WDR7: variants seen among roughly 807,000 people sequenced by gnomAD.
WDR7 encodes the protein WD repeat domain 7.
A neutral mutation model predicts 169.4 loss-of-function variants in WDR7; 46 were observed. That is an observed-to-expected ratio of 0.27 (90% CI 0.21 to 0.35). The LOEUF (loss-of-function observed/expected upper bound fraction) is 0.35, where lower values mean the gene tolerates loss of function less well. WDR7 is among the 10% of genes least tolerant of loss of function. The probability of loss-of-function intolerance (pLI) is 1.00; values close to 1 mark genes in which losing one functional copy is unlikely to be tolerated. For synonymous variants in WDR7, 612 were observed against 666.8 expected (o/e 0.92, Z 1.27); for missense variants, 1,534 against 1,859.3 (o/e 0.83, Z 3.22).
rs369408013 is a variant in WDR7 at position 56,756,666 on chromosome 18, A to G, written c.2073A>G (p.Leu691=). 1 of 1,614,166 alleles carries G rather than the reference A, an allele frequency of 6.2e-7. No homozygotes were observed. Among genetic ancestry groups the G allele is most frequent in the Non-Finnish European group, 8.5e-7 (1 of 1,180,020 alleles). The part of the protein sequence containing the change: ...TNLTDPDIHV[L]FFDVEALIIQ... The stretch of plus-strand genomic sequence containing the variant: ...TAACAGACCCGGACATACATGTGCT[A>G]TTCTTTGATGTGGAAGCGTTGATTA... The change falls in exon 15 of 28, where the codon CTA becomes CTG. Residue 691 remains leucine (L), a synonymous_variant. Coordinates refer to ENST00000254442, the MANE Select transcript of WDR7 (RefSeq NM_015285.3).
chr18:56,837,914 C>A (rs1470473302), intron 20 of WDR7, among the ~76,000 whole-genome samples: 2 of 152,088 alleles, frequency 1.3e-5, no homozygotes. Context: ...CCGTGCCCAG[C>A]CGATTTGTTT....
chr18:56,762,854 G>A (rs1367495774), intron 16 of WDR7, among the ~76,000 whole-genome samples: 2 of 148,494 alleles, frequency 1.3e-5, no homozygotes, highest in African/African-American at 2.5e-5. Flanking sequence ...TTGGCGAAAT[G>A]CCTATTTATA....
chr18:56,768,299 T>G lies in WDR7; in HGVS notation c.2849-8483T>G, dbSNP rs979489301. 2.6e-5 allele frequency among the ~76,000 whole-genome samples: 4 copies of G among 152,336 alleles called. No homozygotes were observed. The East Asian group carries it at 5.8e-4, about 22-fold the overall frequency. On this transcript the variant is annotated intron_variant, in intron 16 of 27. Coordinates refer to ENST00000254442, the MANE Select transcript of WDR7 (RefSeq NM_015285.3). Reference sequence around the variant, plus strand: ...TTTAAGGCAATAGATTTAGGAATTTTCATTTGGAAAGCATATATACTTTTC... The same window carrying G: ...TTTAAGGCAATAGATTTAGGAATTTGCATTTGGAAAGCATATATACTTTTC...
At chr18:56,822,013 A>T (rs889469015) in intron 20 of WDR7, among the ~76,000 whole-genome samples, 2 of 152,010 alleles carry the variant, frequency 1.3e-5, no homozygotes, top group African/African-American at 4.8e-5. Flanking sequence ...AAAACAAAGG[A>T]AAAACTGGGC....
Position 56,696,468 on chromosome 18 carries a change from T to C in WDR7, c.1578+6T>C. The C allele has an allele frequency of 6.2e-7, 1 of 1,601,410 alleles. No homozygotes were observed. Among genetic ancestry groups the C allele is most frequent in the Non-Finnish European group, 8.5e-7 (1 of 1,173,222 alleles). ...TTCCACCTGAAAACTGTAGTGTAAG[T>C]TGATTTATATAAAAGATTATTTCAC... On this transcript the variant is annotated splice_donor_region_variant and intron_variant, in intron 12 of 27. Coordinates refer to ENST00000254442, the MANE Select transcript of WDR7 (RefSeq NM_015285.3).
intron 21 of WDR7, among the ~76,000 whole-genome samples, chr18:56,905,109 A>G (rs2145578538): frequency 6.6e-6 from 1 of 152,196 alleles, no homozygotes; most frequent in East Asian, 1.9e-4. Context: ...TGTAGACTGT[A>G]TTATTTCCCT....
chr18:56,677,719 T>G (rs1305149065), intron 2 of WDR7, among the ~76,000 whole-genome samples: 1 of 152,188 alleles, frequency 6.6e-6, no homozygotes. Flanking sequence ...TCTGGGAGTT[T>G]GATTATTAAA....
At chr18:56,867,174 A>G (rs1207488355) in intron 20 of WDR7, among the ~76,000 whole-genome samples, 6 of 151,970 alleles carry the variant, frequency 3.9e-5, no homozygotes, top group Non-Finnish European at 7.4e-5. Flanking sequence ...GCAGGCACTC[A>G]CCACCACACC....
Position 56,672,510 on chromosome 18 carries a change from A to G in WDR7, c.-6A>G. 6.5e-7 allele frequency: 1 copy of G among 1,533,844 alleles called. No homozygotes were observed. Among genetic ancestry groups the G allele is most frequent in the Non-Finnish European group, 8.8e-7 (1 of 1,141,396 alleles). ...TAACATTTTCAGGTTTGAAAACACA[A>G]ACACAATGGCAGGAAACAGCCTTGT... On this transcript the variant is annotated 5_prime_UTR_variant, in exon 2 of 28. Coordinates refer to ENST00000254442, the MANE Select transcript of WDR7 (RefSeq NM_015285.3).
Position 56,676,880 on chromosome 18 carries a change from C to T in WDR7, c.160-2452C>T, listed in dbSNP as rs911816106. 2.6e-5 allele frequency among the ~76,000 whole-genome samples: 4 copies of T among 152,092 alleles called. No individual in the cohort carries two copies. The East Asian group carries it at 7.7e-4, about 29-fold the overall frequency. On this transcript the variant is annotated intron_variant, in intron 2 of 27. Coordinates refer to ENST00000254442, the MANE Select transcript of WDR7 (RefSeq NM_015285.3). The stretch of plus-strand genomic sequence containing the variant: ...CCATGTCACTGTGTCAGGCTAAGTG[C>T]TGGAATTACAGGCATGAGCCAGGGG...
intron 19 of WDR7, among the ~76,000 whole-genome samples, chr18:56,788,766 A>T (rs2044441209): frequency 6.6e-6 from 1 of 152,176 alleles, no homozygotes; most frequent in Admixed American, 6.5e-5. Flanking sequence ...CTAAAGGATG[A>T]GGTTTCTTCA....
chr18:56,700,720 C>T (rs1253245149), intron 12 of WDR7, among the ~76,000 whole-genome samples: 1 of 150,128 alleles, frequency 6.7e-6, no homozygotes, highest in Non-Finnish European at 1.5e-5. Context: ...CAGGCGCCCG[C>T]TACCACGCCC....
At chr18:56,808,100 A>C (rs1420763533) in intron 19 of WDR7, among the ~76,000 whole-genome samples, 1 of 152,136 alleles carries the variant, frequency 6.6e-6, no homozygotes, top group Non-Finnish European at 1.5e-5. Context: ...CCGGCTGTGG[A>C]TCGATAGAAG....
At chr18:56,816,546 T>C (rs1259256560) in intron 20 of WDR7, among the ~76,000 whole-genome samples, 1 of 152,240 alleles carries the variant, frequency 6.6e-6, no homozygotes, top group Non-Finnish European at 1.5e-5. Context: ...ATAAGCTGTA[T>C]AGGAAGACTT....
intron 20 of WDR7, among the ~76,000 whole-genome samples, chr18:56,820,511 A>AAATTATAATTAG (rs2045076469): frequency 1.3e-5 from 2 of 151,842 alleles, no homozygotes; most frequent in East Asian, 3.9e-4. Flanking sequence ...CATTTTGATT[A>AAATTATAATTAG]CTCATTCAGG....
chr18:56,803,524 G>A (rs540701899), intron 19 of WDR7, among the ~76,000 whole-genome samples: 16 of 152,020 alleles, frequency 1.1e-4, no homozygotes, highest in East Asian at 1.9e-4. Context: ...AACATGTATC[G>A]TAAGACGTCT....
intron 25 of WDR7, among the ~76,000 whole-genome samples, chr18:56,947,922 G>C (rs991224330): frequency 6.6e-6 from 1 of 152,182 alleles, no homozygotes; most frequent in African/African-American, 2.4e-5. Context: ...TCAAGGCTCC[G>C]TTAGAAATGA....
chr18:56,884,252 A>C (rs892481920), intron 21 of WDR7, among the ~76,000 whole-genome samples: 1 of 152,202 alleles, frequency 6.6e-6, no homozygotes, highest in Non-Finnish European at 1.5e-5. Context: ...TTCCCTGATA[A>C]TTAGCGATGT....
At chr18:56,722,433 A>G (rs1314301031) in intron 13 of WDR7, among the ~76,000 whole-genome samples, 1 of 152,182 alleles carries the variant, frequency 6.6e-6, no homozygotes, top group Non-Finnish European at 1.5e-5. Flanking sequence ...AGTGGAAATT[A>G]GATCTTACAT....
Sources: gnomAD v4.1 joint callset for allele counts (sites outside exome capture counted in the v4.1 genomes callset) on GRCh38, gnomAD v4.1.1 for gene constraint, MANE v1.5 for transcripts, NCBI Gene and HGNC (gene_info 2026-07-23, HGNC 2026-07-21) for gene names.